GABPB1: variants seen among roughly 807,000 people sequenced by gnomAD.
The protein encoded by GABPB1 is GA-binding protein subunit beta-1.
Under a neutral mutation model 45.9 loss-of-function variants are expected in GABPB1, and 15 were observed. The ratio of observed to expected loss-of-function variants is 0.33; its 90% confidence interval spans 0.22 to 0.50. GABPB1 has a LOEUF of 0.50. Ranked by LOEUF, GABPB1 falls within the 20% of genes least tolerant of loss-of-function variation. The pLI, the probability that GABPB1 is intolerant of heterozygous loss-of-function variation, is 0.98. For synonymous variants in GABPB1, 143 were observed against 154.4 expected (o/e 0.93, Z 0.55); for missense variants, 252 against 457.5 (o/e 0.55, Z 4.10).
rs34615409 is a variant in GABPB1, at chr15:50,310,975, C to CA, written c.1-1178dup. On this transcript the variant is annotated intron_variant, in intron 1 of 8. Coordinates refer to ENST00000380877, the MANE Select transcript of GABPB1 (RefSeq NM_016654.5). ...CTGGGCAACAAAGTAAACTCTGTCTCAAAAAAAAAAAAAAAAACCAGGAAA... is the reference window on the plus strand; with the variant it reads ...CTGGGCAACAAAGTAAACTCTGTCTCAAAAAAAAAAAAAAAAAACCAGGAAA... 6.3e-3 allele frequency among the ~76,000 whole-genome samples: 781 copies of CA among 123,092 alleles called. 7 individuals carry two copies. The highest frequency in any genetic ancestry group is 0.013 in the African/African-American group (457 of 34,098). 80.8% of individuals were successfully genotyped at this position (123,092 alleles called of 152,430 possible).
chr15:50,334,154 G>A (rs1262440859), intron 1 of GABPB1, among the ~76,000 whole-genome samples: 2 of 151,968 alleles, frequency 1.3e-5, no homozygotes, highest in African/African-American at 4.8e-5. Context: ...ATTACAATGT[G>A]TTTAGGTGTG....
chr15:50,352,906 G>A (rs1450067862), intron 1 of GABPB1: 1 of 152,022 alleles, frequency 6.6e-6, no homozygotes, highest in Non-Finnish European at 1.5e-5. Flanking sequence ...AAGTATAATT[G>A]TCTCCCAACC....
intron 1 of GABPB1, among the ~76,000 whole-genome samples, chr15:50,345,710 AT>A (rs10708823): frequency 0.56 from 83,691 of 150,700 alleles, 24,045 homozygotes; most frequent in Middle Eastern, 0.66. Context: ...ATGTCTGTAC[AT>A]TTTTTTTTGT....
At chr15:50,302,182 G>A (rs1038183983) in intron 4 of GABPB1, among the ~76,000 whole-genome samples, 1 of 152,114 alleles carries the variant, frequency 6.6e-6, no homozygotes, top group Non-Finnish European at 1.5e-5. Flanking sequence ...AAAAACAACA[G>A]ATATTTTTGA....
At chr15:50,301,208 T>C in intron 5 of GABPB1, 49 bp downstream of exon 5, 1 of 1,610,708 alleles carries the variant, frequency 6.2e-7, no homozygotes, top group South Asian at 1.1e-5. Flanking sequence ...CTATCCTATA[T>C]GCATCTCAAT....
At chr15:50,296,905 C>CTTT (rs72486745) in intron 6 of GABPB1, among the ~76,000 whole-genome samples, 57 of 91,378 alleles carry the variant, frequency 6.2e-4, no homozygotes, top group African/African-American at 1.1e-3. Flanking sequence ...TAACTTAATT[C>CTTT]TTTTTTTTTT....
Position 50,309,802 on chromosome 15 carries a change from A to C in GABPB1, c.1-4T>G. On this transcript the variant is annotated splice_polypyrimidine_tract_variant and splice_region_variant and intron_variant, in intron 1 of 8. Transcript: ENST00000380877. ...TTCCCAAATCTACCAGGGACATCTA[A>C]ACAAAACATAGATGAACTGAACATC... The C allele has an allele frequency of 6.4e-7, 1 of 1,552,556 alleles. No individual in the cohort carries two copies. Among genetic ancestry groups the C allele is most frequent in the East Asian group, 2.2e-5 (1 of 44,528 alleles).
intron 7 of GABPB1, among the ~76,000 whole-genome samples, chr15:50,286,589 TA>T (rs1369898898): frequency 6.6e-6 from 1 of 152,160 alleles, no homozygotes; most frequent in African/African-American, 2.4e-5. Flanking sequence ...CTTTCTTACA[TA>T]AAAGGTAGCA....
At chr15:50,321,997 AAT>A (rs2047589146) in intron 1 of GABPB1, among the ~76,000 whole-genome samples, 1 of 152,000 alleles carries the variant, frequency 6.6e-6, no homozygotes, top group African/African-American at 2.4e-5. Flanking sequence ...AAAAAAAAAA[AAT>A]CTGAGGTCAA....
intron 7 of GABPB1, among the ~76,000 whole-genome samples, chr15:50,287,251 A>G (rs1345057973): frequency 6.6e-6 from 1 of 152,134 alleles, no homozygotes; most frequent in Non-Finnish European, 1.5e-5. Flanking sequence ...TCTCATGGTT[A>G]TTCTTTTCCA....
In GABPB1 at chr15:50,345,381, A is replaced by G. The variant is rs112836669; in HGVS notation, c.-1+9604T>C. On this transcript the variant is annotated intron_variant, in intron 1 of 8. Transcript: ENST00000380877. ...TCAGGAGTTGACTAGCCTGGCCAAC[A>G]CAGTGAGACCTTGTCTCTACCAGGA... 8.7e-4 allele frequency among the ~76,000 whole-genome samples: 132 copies of G among 152,334 alleles called. 1 individual carries two copies. Among genetic ancestry groups the G allele is most frequent in the African/African-American group, 3.1e-3 (129 of 41,578 alleles).
chr15:50,341,914 G>C (rs1258190208), intron 1 of GABPB1, among the ~76,000 whole-genome samples: 2 of 152,136 alleles, frequency 1.3e-5, no homozygotes, highest in East Asian at 3.8e-4. Flanking sequence ...CATTAAATAA[G>C]TGGTAACTCC....
chr15:50,318,106 A>C (rs945455046), intron 1 of GABPB1, among the ~76,000 whole-genome samples: 5 of 152,108 alleles, frequency 3.3e-5, no homozygotes, highest in African/African-American at 9.7e-5. Context: ...CTTTATCTAC[A>C]TTGTCTCATT....
At chr15:50,336,164 A>G (rs1443144176) in intron 1 of GABPB1, among the ~76,000 whole-genome samples, 1 of 151,798 alleles carries the variant, frequency 6.6e-6, no homozygotes, top group Non-Finnish European at 1.5e-5. Context: ...AAGTCTGGCC[A>G]ATATGGCGAA....
At chr15:50,325,518 T>C (rs887892749) in intron 1 of GABPB1, among the ~76,000 whole-genome samples, 2 of 152,162 alleles carry the variant, frequency 1.3e-5, no homozygotes, top group East Asian at 3.9e-4. Context: ...CTAGAATCAC[T>C]GGTCAAACTT....
At position 50,311,571 on chromosome 15, in the gene GABPB1, T is replaced by C. The variant is rs571427367; in HGVS notation, c.1-1773A>G. 1.1e-4 allele frequency among the ~76,000 whole-genome samples: 16 copies of C among 152,254 alleles called. No individual in the cohort carries two copies. The East Asian group carries it at 3.1e-3, about 29-fold the overall frequency. ...AAATACTCATTAGAGCATTTCAGAT[T>C]TTGCATTTTTGCATTAGGGATGCTG... On this transcript the variant is annotated intron_variant, in intron 1 of 8. Coordinates refer to ENST00000380877, the MANE Select transcript of GABPB1 (RefSeq NM_016654.5).
intron 1 of GABPB1, among the ~76,000 whole-genome samples, chr15:50,338,118 C>A (rs902135311): frequency 1.3e-5 from 2 of 152,204 alleles, no homozygotes; most frequent in Non-Finnish European, 2.9e-5. Flanking sequence ...TGGCTCACTG[C>A]AACCTCTGCC....
intron 6 of GABPB1, 27 bp from the exon 7 acceptor site, chr15:50,289,695 C>A: frequency 6.4e-7 from 1 of 1,552,290 alleles, no homozygotes; most frequent in Non-Finnish European, 8.7e-7. Flanking sequence ...GAAAACTCAG[C>A]AAACATATGT....
intron 2 of GABPB1, among the ~76,000 whole-genome samples, chr15:50,306,035 A>C (rs1028508477): frequency 3.3e-5 from 5 of 151,644 alleles, no homozygotes; most frequent in South Asian, 2.1e-4. Flanking sequence ...AATGCAGTGG[A>C]GCTATCGTAG....
Sources: allele counts gnomAD v4.1 joint callset (sites outside exome capture counted in the v4.1 genomes callset), GRCh38; gene constraint gnomAD v4.1.1; transcripts MANE v1.5; gene names NCBI Gene and HGNC (gene_info 2026-07-23, HGNC 2026-07-21).